The following SLC39A10 variants were observed in gnomAD, a reference collection of about 807,000 sequenced individuals.
SLC39A10 encodes solute carrier family 39 member 10, also known as zinc transporter ZIP10.
In SLC39A10, 13 loss-of-function variants were observed where a neutral mutation model predicts 65.1. The observed-to-expected ratio is 0.20, with a 90% CI of 0.13 to 0.32. The LOEUF is 0.32. SLC39A10 is among the 10% of genes least tolerant of loss of function. SLC39A10 has a pLI of 1.00. For missense variants in SLC39A10, 831 were observed against 1,018.4 expected, an observed-to-expected ratio of 0.82 and a Z score of 2.50; for synonymous variants, 321 against 342.2, an observed-to-expected ratio of 0.94 and a Z score of 0.68.
rs774907966 is a variant in SLC39A10, at chr2:195,735,056, C to T, written c.*15C>T. 6.2e-7 allele frequency: 1 copy of T among 1,605,746 alleles called. No individual in the cohort carries two copies. The highest frequency in any genetic ancestry group is 1.7e-5 in the Admixed American group (1 of 58,702). The stretch of plus-strand genomic sequence containing the variant: ...TCCAGTTTTGACCTTTCCCAGTAAT[C>T]ACTGTTGATTACGAGAATGTTACCA... On this transcript the variant is annotated 3_prime_UTR_variant, in exon 10 of 10. Coordinates refer to ENST00000359634, the MANE Select transcript of SLC39A10 (RefSeq NM_020342.3).
In SLC39A10 at chr2:195,708,675, A is replaced by C. The variant is rs781129085; in HGVS notation, c.1406A>C (p.His469Pro). 1.2e-6 allele frequency: 2 copies of C among 1,603,084 alleles called. No homozygotes were observed. Among genetic ancestry groups the C allele is most frequent in the South Asian group, 2.3e-5 (2 of 87,536 alleles). ...TAATAGTCTCAGGGTGGACATGATC[A>C]CAGTCACCAACATGCACATGGGCAT... Reference protein sequence around the residue: ...LLPHSQGGHDHSHQHAHGHGH... With the variant: ...LLPHSQGGHDPSHQHAHGHGH... Residue 469 changes from histidine to proline, a missense_variant, in exon 5 of 10, where the codon CAC (histidine) becomes CCC (proline). Coordinates refer to ENST00000359634, the MANE Select transcript of SLC39A10 (RefSeq NM_020342.3).
Position 195,713,517 on chromosome 2 carries a change from C to A in SLC39A10, c.1660C>A (p.Pro554Thr). The A allele has an allele frequency of 6.3e-7, 1 of 1,581,180 alleles. No individual in the cohort carries two copies. Among genetic ancestry groups the A allele is most frequent in the Non-Finnish European group, 8.5e-7 (1 of 1,170,924 alleles). The change falls in exon 6 of 10, where the codon CCA becomes ACA. Residue 554 changes from proline (P) to threonine (T), a missense_variant. Transcript: ENST00000359634. ...KLSDHKLNNT[P>T]DSDWLQLKPL... ...TTCAGATCACAAGTTAAACAATACA[C>A]CAGATTCTGACTGGCTTCAACTCAA...
At chr2:195,675,122 A>G (rs1205791476) in intron 1 of SLC39A10, among the ~76,000 whole-genome samples, 1 of 152,184 alleles carries the variant, frequency 6.6e-6, no homozygotes, top group African/African-American at 2.4e-5. Flanking sequence ...GGCTTGAGGG[A>G]AATATTTTTC....
rs1267219180 is a variant in SLC39A10 at position 195,680,298 on chromosome 2, T to C, written c.256T>C (p.Leu86=). The change falls in exon 2 of 10, where the codon TTA becomes CTA. Residue 86 remains leucine, a synonymous_variant. Coordinates refer to ENST00000359634, the MANE Select transcript of SLC39A10 (RefSeq NM_020342.3). Reference sequence around the variant, plus strand: ...ATCCTTTTTTGGTTTGGAGAAACTTTTAACAAACTTGGGCCTTGGAGAGAG... The same window carrying C: ...ATCCTTTTTTGGTTTGGAGAAACTTCTAACAAACTTGGGCCTTGGAGAGAG... ...RLSFFGLEKL[L]TNLGLGERKV... is the part of the protein sequence containing the mutation. 1.2e-6 allele frequency: 2 copies of C among 1,614,140 alleles called. No homozygotes were observed. The highest frequency in any genetic ancestry group is 3.3e-5 in the Admixed American group (2 of 60,030).
At chr2:195,630,094 T>G (rs1420292825) in intron 2 of SLC39A10, among the ~76,000 whole-genome samples, 1 of 123,390 alleles carries the variant, frequency 8.1e-6, no homozygotes, top group Non-Finnish European at 1.7e-5. Context: ...TAGAGAAAAC[T>G]CATTTTATAT....
chr2:195,727,021 A>G (rs1318436177), intron 8 of SLC39A10, among the ~76,000 whole-genome samples: 2 of 152,108 alleles, frequency 1.3e-5, no homozygotes, highest in East Asian at 1.9e-4. Context: ...ATTAGCTTCA[A>G]TACTATTATT....
At chr2:195,711,692 T>C (rs575508700) in intron 5 of SLC39A10, among the ~76,000 whole-genome samples, 1 of 152,322 alleles carries the variant, frequency 6.6e-6, no homozygotes, top group South Asian at 2.1e-4. Context: ...AATAATACAC[T>C]AGATGTTGAC....
chr2:195,727,858 G>T (rs62203613), intron 8 of SLC39A10, among the ~76,000 whole-genome samples: 46 of 152,118 alleles, frequency 3.0e-4, no homozygotes, highest in African/African-American at 1.1e-3. Flanking sequence ...CTTTAGAGTC[G>T]CAGCTCTCCA....
Position 195,705,612 on chromosome 2 carries a change from AAAGT to A in SLC39A10, c.1217-1003_1217-1000del, listed in dbSNP as rs200447877. Among the ~76,000 whole-genome samples, 1,294 of 152,316 alleles carry A rather than the reference AAAGT, an allele frequency of 8.5e-3. 12 individuals carry two copies. The highest frequency in any genetic ancestry group is 0.03 in the African/African-American group (1,250 of 41,572). On this transcript the variant is annotated intron_variant, in intron 3 of 9. Transcript: ENST00000359634. The stretch of plus-strand genomic sequence containing the variant: ...CAATATTATATCACAGACTTAATAT[AAAGT>A]CTTTCAGCAGATTTATAGTCCTCTT...
At chr2:195,637,709 G>A (rs892605014) in intron 2 of SLC39A10, among the ~76,000 whole-genome samples, 8 of 152,170 alleles carry the variant, frequency 5.3e-5, no homozygotes, top group Non-Finnish European at 1.2e-4. Context: ...TTAAACAAGG[G>A]TTTCTTCTTT....
intron 2 of SLC39A10, among the ~76,000 whole-genome samples, chr2:195,623,402 G>A (rs563718808): frequency 2.0e-5 from 3 of 151,730 alleles, no homozygotes; most frequent in Non-Finnish European, 2.9e-5. Context: ...CCATCCTTAC[G>A]CCGTGTTGTA....
At chr2:195,701,103 T>C (rs1691164943) in intron 3 of SLC39A10, among the ~76,000 whole-genome samples, 1 of 146,526 alleles carries the variant, frequency 6.8e-6, no homozygotes. Context: ...CCATAGGCTC[T>C]GTTCGTTTTT....
chr2:195,699,970 G>A (rs1442457628), intron 3 of SLC39A10, among the ~76,000 whole-genome samples: 1 of 151,740 alleles, frequency 6.6e-6, no homozygotes, highest in Middle Eastern at 3.2e-3. Context: ...TTGTTTTATC[G>A]CTGTCCTTCC....
At chr2:195,715,930 T>C (rs1226539728) in intron 6 of SLC39A10, among the ~76,000 whole-genome samples, 1 of 152,190 alleles carries the variant, frequency 6.6e-6, no homozygotes, top group Non-Finnish European at 1.5e-5. Flanking sequence ...TACTAGTAAA[T>C]AGGACTGAGA....
At chr2:195,615,167 A>G (rs1292583471) in intron 2 of SLC39A10, among the ~76,000 whole-genome samples, 1 of 152,212 alleles carries the variant, frequency 6.6e-6, no homozygotes, top group East Asian at 1.9e-4. Context: ...AGTTCTCTAG[A>G]GCAGAACTTC....
intron 3 of SLC39A10, among the ~76,000 whole-genome samples, chr2:195,685,911 G>A (rs1690507228): frequency 6.6e-6 from 1 of 152,192 alleles, no homozygotes; most frequent in African/African-American, 2.4e-5. Context: ...TTGTTGAAAT[G>A]TGTCTTTGAA....
chr2:195,699,850 A>G (rs111611939), intron 3 of SLC39A10, among the ~76,000 whole-genome samples: 250 of 152,160 alleles, frequency 1.6e-3, no homozygotes, highest in African/African-American at 5.9e-3. Context: ...TGTTTTATTC[A>G]TTATTGAAAG....
rs548697935 is a variant in SLC39A10 at position 195,701,794 on chromosome 2, G to A, written c.1217-4822G>A. Among the ~76,000 whole-genome samples, 80 of 151,892 alleles carry A rather than the reference G, an allele frequency of 5.3e-4. 1 individual carries two copies. Among genetic ancestry groups the A allele is most frequent in the African/African-American group, 1.7e-3 (72 of 41,436 alleles). On this transcript the variant is annotated intron_variant, in intron 3 of 9. Coordinates refer to ENST00000359634, the MANE Select transcript of SLC39A10 (RefSeq NM_020342.3). Reference sequence around the variant, plus strand: ...CCTTCTGGGCTCAGGTGATCCTCCCGCCTCAGCCTCCAGAGTAGCTGGAAC... The same window carrying A: ...CCTTCTGGGCTCAGGTGATCCTCCCACCTCAGCCTCCAGAGTAGCTGGAAC...
chr2:195,638,012 A>C (rs1688726870), intron 2 of SLC39A10, among the ~76,000 whole-genome samples: 1 of 152,222 alleles, frequency 6.6e-6, no homozygotes, highest in South Asian at 2.1e-4. Context: ...AAGAGATCCT[A>C]GAGAAGATAT....
Sources: allele counts gnomAD v4.1 joint callset (sites outside exome capture counted in the v4.1 genomes callset), GRCh38; gene constraint gnomAD v4.1.1; transcripts MANE v1.5; gene names NCBI Gene and HGNC (gene_info 2026-07-23, HGNC 2026-07-21).